Variants in TRIO observed in about 807,000 individuals in gnomAD.
TRIO encodes the protein triple functional domain protein.
TRIO carries 58 observed loss-of-function variants against 351.9 expected under a neutral mutation model. The ratio of observed to expected loss-of-function variants is 0.16; its 90% CI spans 0.13 to 0.21. The LOEUF (loss-of-function observed/expected upper bound fraction) is 0.21. Among genes scored for constraint, TRIO ranks in the 10% least tolerant of loss-of-function variants. The pLI, the probability that TRIO is intolerant of heterozygous loss-of-function variation, is 1.00. For synonymous variants in TRIO, 1,758 were observed against 1,595.7 expected (o/e 1.10, Z -2.42); for missense variants, 3,201 against 4,027.8 (o/e 0.79, Z 5.56).
intron 3 of TRIO, among the ~76,000 whole-genome samples, chr5:14,285,530 G>A (rs1203434881): frequency 6.6e-6 from 1 of 152,046 alleles, no homozygotes; most frequent in Non-Finnish European, 1.5e-5. Flanking sequence ...GTGTGTGAGT[G>A]TGAGTTAGTT....
At chr5:14,396,283 G>T (rs1415161401) in intron 28 of TRIO, among the ~76,000 whole-genome samples, 1 of 151,866 alleles carries the variant, frequency 6.6e-6, no homozygotes, top group African/African-American at 2.4e-5. Context: ...CTGCTGCGTG[G>T]ATTGGCTGGT....
intron 34 of TRIO, among the ~76,000 whole-genome samples, chr5:14,424,997 C>A (rs1021591661): frequency 2.0e-5 from 3 of 152,204 alleles, no homozygotes; most frequent in Admixed American, 6.5e-5. Flanking sequence ...CACTTGTTCA[C>A]CCAAGAACAT....
chr5:14,504,726 C>T, intron 55 of TRIO, 133 bp downstream of exon 55: 5 of 1,111,100 alleles, frequency 4.5e-6, no homozygotes, highest in Non-Finnish European at 3.8e-6. Flanking sequence ...AACATCTTCA[C>T]TGTCAGAGCC....
At chr5:14,496,542 A>G (rs762095920) in intron 49 of TRIO, among the ~76,000 whole-genome samples, 3 of 152,228 alleles carry the variant, frequency 2.0e-5, no homozygotes, top group Non-Finnish European at 4.4e-5. Context: ...GGACCCATCA[A>G]AATGTTCATC....
chr5:14,312,900 A>G (rs57654086), intron 8 of TRIO, among the ~76,000 whole-genome samples: 3 of 152,342 alleles, frequency 2.0e-5, no homozygotes, highest in African/African-American at 7.2e-5. Context: ...AAATTGTAGC[A>G]TGTTGTTTCC....
Position 14,467,474 on chromosome 5 carries a change from T to C in TRIO, c.5763+1834T>C, listed in dbSNP as rs537852970. ...CCCAGTGAACTTTGAACAGGAAGCT[T>C]GCTAGGGTGTGGTAGATAACTCACG... On this transcript the variant is annotated intron_variant, in intron 37 of 56. Transcript: ENST00000344204. 6.6e-5 allele frequency among the ~76,000 whole-genome samples: 10 copies of C among 152,256 alleles called. No individual in the cohort carries two copies. The South Asian group carries it at 1.2e-3, about 19-fold the overall frequency.
intron 1 of TRIO, among the ~76,000 whole-genome samples, chr5:14,252,084 A>C (rs1794778390): frequency 6.6e-6 from 1 of 152,046 alleles, no homozygotes; most frequent in African/African-American, 2.4e-5. Flanking sequence ...CAGAAGGAAA[A>C]GGTTACTTTC....
intron 1 of TRIO, among the ~76,000 whole-genome samples, chr5:14,234,854 C>A (rs188403799): frequency 6.6e-6 from 1 of 152,286 alleles, no homozygotes; most frequent in Admixed American, 6.5e-5. Flanking sequence ...AAATTTTCAT[C>A]TAATCTACAA....
intron 1 of TRIO, among the ~76,000 whole-genome samples, chr5:14,206,285 T>A (rs900017129): frequency 1.3e-5 from 2 of 152,184 alleles, no homozygotes; most frequent in African/African-American, 4.8e-5. Context: ...GGTCTTGAAC[T>A]ACTGGTCTCA....
At chr5:14,360,819 CCTT>C (rs1449039428) in intron 13 of TRIO, among the ~76,000 whole-genome samples, 1 of 152,250 alleles carries the variant, frequency 6.6e-6, no homozygotes, top group Non-Finnish European at 1.5e-5. Flanking sequence ...TAACAACAGA[CCTT>C]CTTGGCTCTG....
intron 8 of TRIO, among the ~76,000 whole-genome samples, chr5:14,309,067 C>T (rs1336700884): frequency 1.9e-5 from 1 of 52,300 alleles, no homozygotes; most frequent in Non-Finnish European, 3.5e-5. Flanking sequence ...CTACCCACCA[C>T]TTACCCACCC....
At chr5:14,282,762 A>G (rs1283673502) in intron 3 of TRIO, among the ~76,000 whole-genome samples, 1 of 152,140 alleles carries the variant, frequency 6.6e-6, no homozygotes, top group Non-Finnish European at 1.5e-5. Context: ...AAAATACTTG[A>G]GTGTGTAGGA....
At chr5:14,275,254 A>C (rs2152272691) in intron 2 of TRIO, among the ~76,000 whole-genome samples, 1 of 152,302 alleles carries the variant, frequency 6.6e-6, no homozygotes, top group Non-Finnish European at 1.5e-5. Flanking sequence ...ATGACTACCA[A>C]ATGTAATTTA....
rs112961891 is a variant in TRIO, at chr5:14,148,643, C to A, written c.157+4761C>A. ...GACAAAATTTTAACAGCGCCACTGG[C>A]AGGAAATAGTAGCGACTCCCTGGAC... On this transcript the variant is annotated intron_variant, in intron 1 of 56. Transcript: ENST00000344204. 1.0e-3 allele frequency among the ~76,000 whole-genome samples: 157 copies of A among 152,308 alleles called. 1 individual carries two copies. Among genetic ancestry groups the A allele is most frequent in the African/African-American group, 3.7e-3 (153 of 41,560 alleles).
chr5:14,308,290 GACCACCCATCCATCTACCCAATCACCCA>G (rs1738553035), intron 8 of TRIO, among the ~76,000 whole-genome samples: 1 of 139,318 alleles, frequency 7.2e-6, no homozygotes, highest in South Asian at 2.2e-4. Flanking sequence ...TCATCCACCC[GACCACCCATCCATCTACCCAATCACCCA>G]ACCACCCATC....
intron 36 of TRIO, among the ~76,000 whole-genome samples, chr5:14,464,911 A>G (rs1579735261): frequency 6.6e-6 from 1 of 151,946 alleles, no homozygotes; most frequent in Admixed American, 6.6e-5. Context: ...TACGCCCTCG[A>G]TTCTAGCCAT....
chr5:14,195,109 C>T (rs1790695625), intron 1 of TRIO, among the ~76,000 whole-genome samples: 1 of 152,062 alleles, frequency 6.6e-6, no homozygotes, highest in African/African-American at 2.4e-5. Context: ...AATTTACAGA[C>T]TTTATTCAGA....
chr5:14,225,845 G>T (rs1196933618), intron 1 of TRIO, among the ~76,000 whole-genome samples: 1 of 135,034 alleles, frequency 7.4e-6, no homozygotes, highest in Non-Finnish European at 1.5e-5. Flanking sequence ...CATAACAACG[G>T]GGGTGGGCAG....
At chr5:14,481,327 C>T (rs1369973762) in intron 44 of TRIO, 43 bp downstream of exon 44, 4 of 1,607,588 alleles carry the variant, frequency 2.5e-6, no homozygotes, top group African/African-American at 1.3e-5. Flanking sequence ...CCCCACCAGC[C>T]TCTTTTCCTA....
Sources: allele counts gnomAD v4.1 joint callset (sites outside exome capture counted in the v4.1 genomes callset), GRCh38; gene constraint gnomAD v4.1.1; transcripts MANE v1.5; gene names NCBI Gene and HGNC (gene_info 2026-07-23, HGNC 2026-07-21).